CCNB1IP1: variants seen among roughly 807,000 people sequenced by gnomAD.
The protein encoded by CCNB1IP1 is cyclin B1 interacting protein 1.
A neutral mutation model predicts 25.6 loss-of-function variants in CCNB1IP1; 14 were observed. The ratio of observed to expected loss-of-function variants is 0.55; its 90% CI spans 0.36 to 0.85. The LOEUF (loss-of-function observed/expected upper bound fraction) is 0.85. CCNB1IP1 is among the 40% of genes least tolerant of loss of function. CCNB1IP1 has a pLI of 0.01. For missense variants in CCNB1IP1, 278 were observed against 342.4 expected, an observed-to-expected ratio of 0.81 and a Z score of 1.48; for synonymous variants, 119 against 116.1, an observed-to-expected ratio of 1.02 and a Z score of -0.16.
rs557302058 is a variant in CCNB1IP1, at chr14:20,321,100, G to A, written c.-38+4439C>T. ...TGCAGTGAGCCGAGATCACACCATT[G>A]CACTCCAGCCTGGGCAGCAAGAGCA... On this transcript the variant is annotated intron_variant, in intron 4 of 6. Coordinates refer to ENST00000358932, the MANE Select transcript of CCNB1IP1 (RefSeq NM_021178.5). 7.3e-5 allele frequency among the ~76,000 whole-genome samples: 11 copies of A among 150,528 alleles called. No individual in the cohort carries two copies. The East Asian group carries it at 2.2e-3, about 29-fold the overall frequency.
intron 1 of CCNB1IP1, among the ~76,000 whole-genome samples, chr14:20,330,115 A>C (rs1883189758): frequency 6.9e-6 from 1 of 144,960 alleles, no homozygotes; most frequent in Non-Finnish European, 1.5e-5. Context: ...AAAAAAAAAA[A>C]AAACAAAAAA....
intron 4 of CCNB1IP1, among the ~76,000 whole-genome samples, chr14:20,323,917 CAA>C (rs59156707): frequency 0.067 from 4,875 of 73,194 alleles, 22 homozygotes; most frequent in Middle Eastern, 0.15. Flanking sequence ...GACTCCGTCT[CAA>C]AAAAAAAAAA....
In CCNB1IP1 at chr14:20,313,470, A is replaced by G. The variant is rs1882571346; in HGVS notation, c.629T>C (p.Leu210Ser). Residue 210 changes from leucine (L) to serine (S), a missense_variant and splice_region_variant, in exon 6 of 7, where the codon TTA (leucine) becomes TCA (serine). Coordinates refer to ENST00000358932, the MANE Select transcript of CCNB1IP1 (RefSeq NM_021178.5). ...IAQSGVLGFP[L>S]GNNSKFPLDN... is the part of the protein sequence containing the mutation. ...ACTTGATACATGTCCTTTCTTACCT[A>G]ATGGGAAGCCAAGAACACCAGACTG... The G allele has an allele frequency of 6.4e-7, 1 of 1,573,910 alleles. No homozygotes were observed. Among genetic ancestry groups the G allele is most frequent in the African/African-American group, 1.4e-5 (1 of 73,054 alleles).
chr14:20,332,310 C>T (rs1883278064), intron 1 of CCNB1IP1, among the ~76,000 whole-genome samples: 1 of 151,960 alleles, frequency 6.6e-6, no homozygotes, highest in Non-Finnish European at 1.5e-5. Flanking sequence ...CACTTTCTGC[C>T]TATAAGAATA....
chr14:20,317,398 A>T (rs1882742468), intron 4 of CCNB1IP1, among the ~76,000 whole-genome samples: 1 of 151,322 alleles, frequency 6.6e-6, no homozygotes, highest in East Asian at 1.9e-4. Context: ...ACTCCGTCCC[A>T]GAAGGAAAAA....
At chr14:20,315,230 G>A (rs1400668685) in intron 5 of CCNB1IP1, among the ~76,000 whole-genome samples, 1 of 135,734 alleles carries the variant, frequency 7.4e-6, no homozygotes, top group Non-Finnish European at 1.5e-5. Context: ...ATTAAAATGA[G>A]ACACCACTAT....
chr14:20,327,045 C>T (rs1883096645), intron 2 of CCNB1IP1, among the ~76,000 whole-genome samples: 1 of 151,954 alleles, frequency 6.6e-6, no homozygotes, highest in African/African-American at 2.4e-5. Context: ...CACTGTACTC[C>T]AGCCTAGGCA....
chr14:20,312,174 A>C (rs1295102888), intron 6 of CCNB1IP1, among the ~76,000 whole-genome samples: 4 of 152,250 alleles, frequency 2.6e-5, no homozygotes, highest in Non-Finnish European at 2.9e-5. Context: ...ACTGTGTACA[A>C]AAAGAGGAAT....
At chr14:20,332,029 T>TATATGA in intron 1 of CCNB1IP1, among the ~76,000 whole-genome samples, 1 of 56,260 alleles carries the variant, frequency 1.8e-5, no homozygotes, top group Non-Finnish European at 3.6e-5. Flanking sequence ...TATATATATT[T>TATATGA]TTTTTTTTTT....
intron 5 of CCNB1IP1, chr14:20,314,241 G>A (rs557217358): frequency 6.5e-6 from 1 of 154,220 alleles, no homozygotes; most frequent in South Asian, 2.0e-4. Flanking sequence ...GAATACTACA[G>A]AAAATGTGAC....
intron 4 of CCNB1IP1, among the ~76,000 whole-genome samples, chr14:20,322,715 C>T (rs896781127): frequency 2.5e-4 from 38 of 151,796 alleles, no homozygotes; most frequent in African/African-American, 8.9e-4. Context: ...CTCCACCTCC[C>T]GGGTTCAAGC....
At chr14:20,330,376 C>G (rs905659187) in intron 1 of CCNB1IP1, 1 of 152,152 alleles carries the variant, frequency 6.6e-6, no homozygotes. Context: ...GAAAAACTTC[C>G]TATTGGGTAC....
intron 4 of CCNB1IP1, among the ~76,000 whole-genome samples, chr14:20,321,986 T>G (rs1252671131): frequency 6.6e-6 from 1 of 152,192 alleles, no homozygotes; most frequent in African/African-American, 2.4e-5. Context: ...TATTTCAACA[T>G]GAAGCAGAAA....
intron 4 of CCNB1IP1, among the ~76,000 whole-genome samples, chr14:20,322,624 T>TAAA (rs1258432598): frequency 1.8e-4 from 25 of 135,138 alleles, no homozygotes; most frequent in South Asian, 8.7e-4. Context: ...TATATATAAT[T>TAAA]TTTTTTTTTT....
At chr14:20,328,104 CTA>C (rs1455690452) in intron 2 of CCNB1IP1, among the ~76,000 whole-genome samples, 1 of 152,124 alleles carries the variant, frequency 6.6e-6, no homozygotes, top group African/African-American at 2.4e-5. Flanking sequence ...TTTAGAAATC[CTA>C]TCTGTCAAGC....
chr14:20,320,614 G>C, intron 4 of CCNB1IP1, among the ~76,000 whole-genome samples: 1 of 151,138 alleles, frequency 6.6e-6, no homozygotes, highest in South Asian at 2.1e-4. Flanking sequence ...GTCCAGCCTG[G>C]CCAACATGAT....
intron 4 of CCNB1IP1, among the ~76,000 whole-genome samples, chr14:20,322,871 C>T (rs1882940293): frequency 1.3e-5 from 2 of 152,072 alleles, no homozygotes; most frequent in Non-Finnish European, 2.9e-5. Flanking sequence ...GATCCGCCCA[C>T]CTCAGCCTCC....
intron 4 of CCNB1IP1, among the ~76,000 whole-genome samples, 194 bp downstream of exon 4, chr14:20,325,345 C>T (rs1414241825): frequency 1.3e-5 from 2 of 148,650 alleles, no homozygotes; most frequent in South Asian, 2.1e-4. Flanking sequence ...GGCGTGAACC[C>T]GGGAGGCGGA....
At chr14:20,322,624 T>A (rs201303391) in intron 4 of CCNB1IP1, among the ~76,000 whole-genome samples, 33,000 of 134,988 alleles carry the variant, frequency 0.24, 3,818 homozygotes, top group South Asian at 0.35. Context: ...TATATATAAT[T>A]TTTTTTTTTT....
Sources: gnomAD v4.1 joint callset for allele counts (sites outside exome capture counted in the v4.1 genomes callset) on GRCh38, gnomAD v4.1.1 for gene constraint, MANE v1.5 for transcripts, NCBI Gene and HGNC (gene_info 2026-07-23, HGNC 2026-07-21) for gene names.